Variants in PDGFD observed in about 807,000 individuals in gnomAD.
PDGFD encodes the protein platelet derived growth factor D.
Under a neutral mutation model 44.7 loss-of-function variants are expected in PDGFD, and 30 were observed. The observed-to-expected ratio is 0.67, with a 90% CI of 0.50 to 0.91. PDGFD has a LOEUF of 0.91. Among genes scored for constraint, PDGFD ranks in the 40% least tolerant of loss-of-function variants. PDGFD has a pLI of 0.00. For synonymous variants in PDGFD, 173 were observed against 168.4 expected (o/e 1.03, Z -0.21); for missense variants, 445 against 457.8 (o/e 0.97, Z 0.25).
At position 103,996,133 on chromosome 11, in the gene PDGFD, TAATTTGG is replaced by T. The variant is rs1228517969; in HGVS notation, c.435_441del (p.Asn145LysfsTer54). The T allele has an allele frequency of 1.1e-5, 17 of 1,613,864 alleles. 1 individual carries two copies. The highest frequency in any genetic ancestry group is 1.4e-5 in the Non-Finnish European group (17 of 1,179,842). On this transcript the variant is annotated frameshift_variant, in exon 3 of 7. Transcript: ENST00000393158. LOFTEE classifies it high-confidence loss of function. ...TAGTCATCGGACTTGAATGTGATTTTAATTTGGTTCGTTCTTGATTTTATCCTTGGAG... is the reference window on the plus strand; with the variant it reads ...TAGTCATCGGACTTGAATGTGATTTTTTCGTTCTTGATTTTATCCTTGGAG...
At chr11:104,152,872 C>T (rs1862263929) in intron 1 of PDGFD, among the ~76,000 whole-genome samples, 3 of 152,046 alleles carry the variant, frequency 2.0e-5, no homozygotes, top group Non-Finnish European at 2.9e-5. Flanking sequence ...CACTTAACCA[C>T]GTTAAAAGCA....
chr11:104,145,684 T>G (rs1194721110), intron 1 of PDGFD, among the ~76,000 whole-genome samples: 1 of 152,216 alleles, frequency 6.6e-6, no homozygotes, highest in African/African-American at 2.4e-5. Flanking sequence ...ATAGTTCAGT[T>G]TTCTCACTTA....
At chr11:103,994,923 A>C (rs1311710018) in intron 3 of PDGFD, among the ~76,000 whole-genome samples, 3 of 146,394 alleles carry the variant, frequency 2.0e-5, no homozygotes, top group Non-Finnish European at 4.5e-5. Flanking sequence ...TTTGTTACCC[A>C]GGCTAGACTG....
intron 1 of PDGFD, among the ~76,000 whole-genome samples, chr11:104,162,986 C>T (rs1862411499): frequency 1.3e-5 from 2 of 152,288 alleles, no homozygotes; most frequent in East Asian, 3.9e-4. Context: ...TAAATAAACT[C>T]AGCTTAGGGT....
intron 1 of PDGFD, among the ~76,000 whole-genome samples, chr11:104,083,859 TAGAC>T (rs1456490776): frequency 2.0e-5 from 3 of 152,208 alleles, no homozygotes; most frequent in Non-Finnish European, 4.4e-5. Flanking sequence ...CATTGCCAGA[TAGAC>T]AGAACACCCA....
chr11:103,968,823 C>T (rs988873383), intron 3 of PDGFD, among the ~76,000 whole-genome samples: 10 of 152,152 alleles, frequency 6.6e-5, no homozygotes, highest in Non-Finnish European at 1.2e-4. Flanking sequence ...TTGATAAGCA[C>T]GTAAAACCCT....
chr11:104,112,019 A>G (rs913961263), intron 1 of PDGFD, among the ~76,000 whole-genome samples: 4 of 152,112 alleles, frequency 2.6e-5, no homozygotes, highest in Non-Finnish European at 4.4e-5. Flanking sequence ...AGAACGTAAA[A>G]CCAATGTGTT....
chr11:104,115,281 A>C (rs961323985), intron 1 of PDGFD, among the ~76,000 whole-genome samples: 15 of 148,328 alleles, frequency 1.0e-4, no homozygotes, highest in Non-Finnish European at 2.1e-4. Context: ...ATGTATGTAT[A>C]TACATATATA....
At chr11:103,943,852 C>CT (rs1858630150) in intron 4 of PDGFD, among the ~76,000 whole-genome samples, 2 of 152,082 alleles carry the variant, frequency 1.3e-5, no homozygotes, top group Non-Finnish European at 2.9e-5. Flanking sequence ...ATAACATTCG[C>CT]TTTTTTGTAA....
chr11:104,087,218 A>G (rs573519083), intron 1 of PDGFD, among the ~76,000 whole-genome samples: 14 of 133,494 alleles, frequency 1.0e-4, no homozygotes, highest in African/African-American at 3.1e-4. Context: ...TTTTTGAGAC[A>G]GAGTCTTGCT....
intron 1 of PDGFD, among the ~76,000 whole-genome samples, chr11:104,033,919 C>T (rs1860171949): frequency 6.6e-6 from 1 of 152,108 alleles, no homozygotes; most frequent in Non-Finnish European, 1.5e-5. Flanking sequence ...GTCATTCATT[C>T]ATCTGTAAAA....
At chr11:104,153,045 T>C (rs1306478479) in intron 1 of PDGFD, among the ~76,000 whole-genome samples, 1 of 152,188 alleles carries the variant, frequency 6.6e-6, no homozygotes, top group Admixed American at 6.5e-5. Context: ...CACATCAATG[T>C]TGCACAAGCT....
intron 1 of PDGFD, among the ~76,000 whole-genome samples, chr11:104,088,790 G>C (rs1377225691): frequency 6.6e-6 from 1 of 152,116 alleles, no homozygotes; most frequent in Non-Finnish European, 1.5e-5. Flanking sequence ...AGAACAGCCA[G>C]ATTATGTTCT....
At chr11:104,140,595 C>T (rs1022247779) in intron 1 of PDGFD, among the ~76,000 whole-genome samples, 11 of 152,018 alleles carry the variant, frequency 7.2e-5, no homozygotes, top group Non-Finnish European at 1.5e-4. Flanking sequence ...TCTTTTTCCC[C>T]TTCTCTTTCT....
chr11:104,140,230 T>G (rs1353844107), intron 1 of PDGFD, among the ~76,000 whole-genome samples: 1 of 152,168 alleles, frequency 6.6e-6, no homozygotes, highest in African/African-American at 2.4e-5. Context: ...TAATGCCAAT[T>G]AGCATTTTGT....
chr11:104,138,213 C>T (rs1016585617), intron 1 of PDGFD, among the ~76,000 whole-genome samples: 1 of 152,100 alleles, frequency 6.6e-6, no homozygotes, highest in African/African-American at 2.4e-5. Context: ...CCCTAAATTA[C>T]ATACTTATTA....
chr11:104,102,748 A>C (rs1861408743), intron 1 of PDGFD, among the ~76,000 whole-genome samples: 1 of 152,224 alleles, frequency 6.6e-6, no homozygotes, highest in Non-Finnish European at 1.5e-5. Context: ...CTATGCAGCC[A>C]TAAAAAAGGA....
At chr11:103,986,653 A>G (rs893810307) in intron 3 of PDGFD, among the ~76,000 whole-genome samples, 1 of 152,184 alleles carries the variant, frequency 6.6e-6, no homozygotes, top group Non-Finnish European at 1.5e-5. Context: ...TGTAGGCCAA[A>G]CTAACTTTGG....
At chr11:104,021,526 T>A (rs1371348522) in intron 1 of PDGFD, among the ~76,000 whole-genome samples, 2 of 152,158 alleles carry the variant, frequency 1.3e-5, no homozygotes, top group Admixed American at 1.3e-4. Flanking sequence ...AGTCATCCAC[T>A]GTTTCTACTA....
Sources: allele counts gnomAD v4.1 joint callset (sites outside exome capture counted in the v4.1 genomes callset), GRCh38; gene constraint gnomAD v4.1.1; transcripts MANE v1.5; gene names NCBI Gene and HGNC (gene_info 2026-07-23, HGNC 2026-07-21).